Variants in UBN2 observed in about 807,000 individuals in gnomAD.
The protein encoded by UBN2 is ubinuclein 2, also known as ubinuclein-2.
Under a neutral mutation model 120.2 loss-of-function variants are expected in UBN2, and 35 were observed. The ratio of observed to expected loss-of-function variants is 0.29; its 90% CI spans 0.22 to 0.39. The LOEUF (loss-of-function observed/expected upper bound fraction) is 0.39. UBN2 is among the 10% of genes least tolerant of loss of function. The pLI is 1.00. For synonymous variants in UBN2, 661 were observed against 648.7 expected, an observed-to-expected ratio of 1.02 and a Z score of -0.29; for missense variants, 1,693 against 1,663.2, an observed-to-expected ratio of 1.02 and a Z score of -0.31.
intron 2 of UBN2, among the ~76,000 whole-genome samples, chr7:139,248,815 A>G (rs1584992831): frequency 6.6e-6 from 1 of 152,004 alleles, no homozygotes; most frequent in African/African-American, 2.4e-5. Context: ...TTCTCAATAG[A>G]CTACCTCCTA....
intron 2 of UBN2, among the ~76,000 whole-genome samples, chr7:139,249,989 C>T (rs1339069132): frequency 6.6e-6 from 1 of 152,170 alleles, no homozygotes; most frequent in Non-Finnish European, 1.5e-5. Context: ...GTATGAGTTA[C>T]TGCACCTGGC....
At position 139,283,440 on chromosome 7, in the gene UBN2, G is replaced by A. The variant is rs759330858; in HGVS notation, c.2535G>A (p.Gln845=). ...CAGGGCCAGTACCAAAGAAACCCCA[G>A]GATTTAGCTCATACTGGCATCTCTT... The part of the protein sequence containing the change: ...GHTGPVPKKP[Q]DLAHTGISSG... Residue 845 remains glutamine (Q), a synonymous_variant, in exon 15 of 18, where the codon CAG becomes CAA. Coordinates refer to ENST00000473989, the MANE Select transcript of UBN2 (RefSeq NM_173569.4). 2 of 1,613,958 alleles carry A rather than the reference G, an allele frequency of 1.2e-6. No homozygotes were observed. Among genetic ancestry groups the A allele is most frequent in the African/African-American group, 1.3e-5 (1 of 74,890 alleles).
chr7:139,328,493 C>A, the UBN2 span, among the ~76,000 whole-genome samples: 1 of 152,290 alleles, frequency 6.6e-6, no homozygotes, highest in Admixed American at 6.5e-5. Context: ...TAGAGCCAAA[C>A]CCTGACAGGG....
chr7:139,276,581 CT>C (rs757688665), intron 12 of UBN2: 1 of 166,288 alleles, frequency 6.0e-6, no homozygotes, highest in Non-Finnish European at 1.3e-5. Context: ...TTGAGGTCTT[CT>C]GTTCAAAACC....
intron 3 of UBN2, among the ~76,000 whole-genome samples, chr7:139,253,226 G>A (rs574421064): frequency 4.7e-4 from 70 of 150,136 alleles, no homozygotes; most frequent in Non-Finnish European, 3.7e-4. Flanking sequence ...ACAAATAACG[G>A]AGCATCTGGG....
chr7:139,252,140 T>G, intron 3 of UBN2, 83 bp downstream of exon 3: 1 of 1,069,774 alleles, frequency 9.3e-7, no homozygotes, highest in Non-Finnish European at 1.4e-6. Context: ...ACTTAAATAG[T>G]GCAGTGAATG....
At chr7:139,290,034 C>T (rs1302743620) in intron 15 of UBN2, among the ~76,000 whole-genome samples, 2 of 152,184 alleles carry the variant, frequency 1.3e-5, no homozygotes, top group Non-Finnish European at 2.9e-5. Flanking sequence ...GCTGGGATTA[C>T]AGGCATGCGC....
chr7:139,301,787 T>C lies in UBN2; in HGVS notation c.*3951T>C, dbSNP rs146124955. On this transcript the variant is annotated 3_prime_UTR_variant, in exon 18 of 18. Transcript: ENST00000473989. ...ATAATCAGGCCAAACTTGAGAACTTTCCTGTGCTTCAGCACTGTAATTCTG... is the reference window on the plus strand; with the variant it reads ...ATAATCAGGCCAAACTTGAGAACTTCCCTGTGCTTCAGCACTGTAATTCTG... 8 of 152,310 alleles carry C rather than the reference T, an allele frequency of 5.3e-5. No individual in the cohort carries two copies. Among genetic ancestry groups the C allele is most frequent in the African/African-American group, 1.9e-4 (8 of 41,572 alleles). The allele number at this position is 152,310 out of a possible 1,614,324, so 9.4% of individuals were successfully genotyped here.
chr7:139,284,020 C>T lies in UBN2; in HGVS notation c.3115C>T (p.Leu1039Phe). The T allele has an allele frequency of 6.2e-7, 1 of 1,614,144 alleles. No individual in the cohort carries two copies. Among genetic ancestry groups the T allele is most frequent in the Non-Finnish European group, 8.5e-7 (1 of 1,180,026 alleles). ...SPFSMAASPKLAASPKPATSP... is the reference protein window; with the variant it reads ...SPFSMAASPKFAASPKPATSP... Reference sequence around the variant, plus strand: ...CTTCTCGATGGCTGCCTCCCCAAAACTTGCCGCATCTCCCAAGCCTGCCAC... The same window carrying T: ...CTTCTCGATGGCTGCCTCCCCAAAATTTGCCGCATCTCCCAAGCCTGCCAC... Residue 1039 changes from leucine (L) to phenylalanine (F), a missense_variant, in exon 15 of 18, where the codon CTT becomes TTT. Physicochemically the swap from Leu to Phe is conservative, Grantham distance 22. Transcript: ENST00000473989.
chr7:139,252,145 T>C, intron 3 of UBN2, 88 bp downstream of exon 3: 1 of 1,040,318 alleles, frequency 9.6e-7, no homozygotes, highest in South Asian at 1.4e-5. Context: ...AATAGTGCAG[T>C]GAATGTTTTT....
rs905288136 is a variant in UBN2 at position 139,305,960 on chromosome 7, T to G, written c.*8124T>G. 6.6e-6 allele frequency: 1 copy of G among 152,214 alleles called. No individual in the cohort carries two copies. The highest frequency in any genetic ancestry group is 2.4e-5 in the African/African-American group (1 of 41,454). The allele number at this position is 152,214 out of a possible 1,614,324, so 9.4% of individuals were successfully genotyped here. A position where few individuals can be genotyped will look rare whatever the true frequency, so the allele number is the denominator to read the frequency against. On this transcript the variant is annotated 3_prime_UTR_variant, in exon 18 of 18. Coordinates refer to ENST00000473989, the MANE Select transcript of UBN2 (RefSeq NM_173569.4). ...TTGCAAACAGGCCATATGAATCAAA[T>G]TTTATGTTTGTTCCTCACAAAATTT...
Position 139,266,394 on chromosome 7 carries a change from T to C in UBN2, c.1457T>C (p.Ile486Thr). 5 of 1,534,094 alleles carry C rather than the reference T, an allele frequency of 3.3e-6. No individual in the cohort carries two copies. Among genetic ancestry groups the C allele is most frequent in the Non-Finnish European group, 4.5e-6 (5 of 1,123,270 alleles). The change falls in exon 7 of 18, where the codon ATT (isoleucine) becomes ACT (threonine). Residue 486 changes from isoleucine to threonine, a missense_variant. By Grantham distance (89) the Ile-to-Thr change is moderately conservative. Around this residue, in one of 5 missense-constraint regions of UBN2, gnomAD observed 178 missense variants for 204.0 expected, o/e 0.87. Transcript: ENST00000473989. The part of the protein sequence containing the change: ...KKFFTQDMNN[I>T]LLDIELQLQE... ...TTCTTTACACAGGATATGAATAATA[T>C]TCTTCTGGAGTAAGTAATTTTCTTT...
Position 139,296,921 on chromosome 7 carries a change from G to A in UBN2, c.3995-866G>A, listed in dbSNP as rs1217527743. ...CTCTTAAAAAAAGAAAGAGCCAGGC[G>A]TGGTGGCTCATGCCTGTAATCCCAG... On this transcript the variant is annotated intron_variant, in intron 17 of 17. Transcript: ENST00000473989. 2.0e-5 allele frequency among the ~76,000 whole-genome samples: 3 copies of A among 152,164 alleles called. No individual in the cohort carries two copies. The East Asian group carries it at 5.8e-4, about 29-fold the overall frequency.
At chr7:139,284,720 G>A (rs1797731268) in intron 15 of UBN2, 146 bp downstream of exon 15, 1 of 719,970 alleles carries the variant, frequency 1.4e-6, no homozygotes, top group Admixed American at 3.0e-5. Context: ...TGTTCCTGAT[G>A]CTGACATCAC....
intron 1 of UBN2, among the ~76,000 whole-genome samples, chr7:139,235,662 C>T (rs1796146028): frequency 6.6e-6 from 1 of 152,226 alleles, no homozygotes; most frequent in Admixed American, 6.5e-5. Context: ...CCACCTTGGC[C>T]TCCCAAAGTG....
intron 9 of UBN2, among the ~76,000 whole-genome samples, chr7:139,272,750 C>T (rs1401058412): frequency 1.3e-5 from 2 of 152,168 alleles, no homozygotes; most frequent in African/African-American, 4.8e-5. Flanking sequence ...TGGTCTCAAA[C>T]TCCTGACCTC....
downstream of UBN2, among the ~76,000 whole-genome samples, chr7:139,309,180 A>G (rs141244886): frequency 7.6e-4 from 116 of 152,370 alleles, no homozygotes; most frequent in African/African-American, 2.6e-3. Context: ...AAAATATCAA[A>G]AAGGTTCTTG....
At chr7:139,309,022 G>A (rs538866398), downstream of UBN2, among the ~76,000 whole-genome samples, 146 of 152,274 alleles carry the variant, frequency 9.6e-4, 1 homozygote, top group African/African-American at 3.2e-3. Flanking sequence ...AGCCGAGATT[G>A]CACCACTGCA....
the UBN2 span, among the ~76,000 whole-genome samples, chr7:139,320,277 C>T: frequency 2.0e-5 from 3 of 152,064 alleles, no homozygotes; most frequent in African/African-American, 7.2e-5. Flanking sequence ...GCCTGGCCAA[C>T]ATGGTGAAAC....
Sources: gnomAD v4.1 joint callset for allele counts (sites outside exome capture counted in the v4.1 genomes callset) on GRCh38, gnomAD v4.1.1 for gene constraint, gnomAD v4.1.1 regional missense constraint, MANE v1.5 for transcripts, NCBI Gene and HGNC (gene_info 2026-07-23, HGNC 2026-07-21) for gene names.